IPO11: variants seen among roughly 807,000 people sequenced by gnomAD.
IPO11 encodes importin 11, also known as importin-11.
A neutral mutation model predicts 143.2 loss-of-function variants in IPO11; 66 were observed. That is an observed-to-expected ratio of 0.46 (90% CI 0.38 to 0.57). IPO11 has a LOEUF of 0.57. IPO11 is among the 20% of genes least tolerant of loss of function. IPO11 has a pLI of 0.00. For missense variants in IPO11, 1,026 were observed against 1,141.0 expected, an observed-to-expected ratio of 0.90 and a Z score of 1.45; for synonymous variants, 385 against 377.8, an observed-to-expected ratio of 1.02 and a Z score of -0.22.
At chr5:62,419,459 A>G (rs902562183) in intron 1 of IPO11, among the ~76,000 whole-genome samples, 2 of 152,184 alleles carry the variant, frequency 1.3e-5, no homozygotes, top group Non-Finnish European at 2.9e-5. Context: ...ACGTTGTTTA[A>G]AACAGACGCA....
chr5:62,612,877 A>G lies in IPO11; in HGVS notation c.2763+11029A>G, dbSNP rs1745977875. Among the ~76,000 whole-genome samples, 3 of 152,224 alleles carry G rather than the reference A, an allele frequency of 2.0e-5. No homozygotes were observed. The South Asian group carries it at 6.2e-4, about 32-fold the overall frequency. ...AAGCAGCGCTTCAGTAAACAACATC[A>G]AGTGCTGTCTTTATGTACTTCTAAA... On this transcript the variant is annotated intron_variant, in intron 29 of 29. Coordinates refer to ENST00000325324, the MANE Select transcript of IPO11 (RefSeq NM_016338.5).
At chr5:62,613,520 C>G (rs1746009156) in intron 29 of IPO11, among the ~76,000 whole-genome samples, 1 of 151,922 alleles carries the variant, frequency 6.6e-6, no homozygotes, top group Admixed American at 6.6e-5. Flanking sequence ...CCAGGCTCGT[C>G]TTGAACTCCC....
intron 5 of IPO11, among the ~76,000 whole-genome samples, chr5:62,463,198 T>C (rs779034240): frequency 7.2e-5 from 11 of 152,040 alleles, no homozygotes; most frequent in Admixed American, 2.0e-4. Flanking sequence ...TGTGCCACCA[T>C]GTCCAGCTAA....
At chr5:62,595,873 C>T (rs1469247400) in intron 28 of IPO11, among the ~76,000 whole-genome samples, 2 of 151,844 alleles carry the variant, frequency 1.3e-5, no homozygotes, top group Non-Finnish European at 2.9e-5. Context: ...GAGTATTTCT[C>T]TTTTATTTCC....
chr5:62,446,418 G>A (rs1035943409), intron 3 of IPO11, among the ~76,000 whole-genome samples: 24 of 152,272 alleles, frequency 1.6e-4, no homozygotes, highest in African/African-American at 5.3e-4. Context: ...AGCAACATAC[G>A]AGTGTTTGTA....
In IPO11 at chr5:62,491,689, G is replaced by A. The variant is rs776232243; in HGVS notation, c.1463+1469G>A. Among the ~76,000 whole-genome samples the A allele has an allele frequency of 3.0e-4, 40 of 133,838 alleles. 1 individual carries two copies. Among genetic ancestry groups the A allele is most frequent in the Non-Finnish European group, 9.4e-5 (6 of 63,818 alleles). 87.8% of individuals were successfully genotyped at this position (133,838 alleles called of 152,430 possible). On this transcript the variant is annotated intron_variant, in intron 15 of 29. Transcript: ENST00000325324. Reference sequence around the variant, plus strand: ...AAGTTTTTTTTTTTTTTTTTGAGATGGAGTCTTGCTCTGTTGCCCAGGCTG... The same window carrying A: ...AAGTTTTTTTTTTTTTTTTTGAGATAGAGTCTTGCTCTGTTGCCCAGGCTG...
At chr5:62,569,642 A>C (rs1744071151) in intron 27 of IPO11, among the ~76,000 whole-genome samples, 1 of 152,190 alleles carries the variant, frequency 6.6e-6, no homozygotes, top group Non-Finnish European at 1.5e-5. Context: ...TTATTTTGCC[A>C]GAGTTGACTG....
At chr5:62,427,373 C>G (rs1743795291) in intron 1 of IPO11, among the ~76,000 whole-genome samples, 2 of 152,266 alleles carry the variant, frequency 1.3e-5, no homozygotes, top group Non-Finnish European at 2.9e-5. Flanking sequence ...TAGCTTCTCT[C>G]CTTGATGTCA....
chr5:62,604,334 G>A (rs898445556), intron 29 of IPO11, among the ~76,000 whole-genome samples: 5 of 151,880 alleles, frequency 3.3e-5, no homozygotes, highest in African/African-American at 9.7e-5. Context: ...TCAGCCTCCC[G>A]AGTAGCTGGG....
At chr5:62,422,921 G>T (rs1743570437) in intron 1 of IPO11, among the ~76,000 whole-genome samples, 1 of 151,884 alleles carries the variant, frequency 6.6e-6, no homozygotes, top group Non-Finnish European at 1.5e-5. Context: ...ACTAGTGTCT[G>T]GCATTTGCAG....
rs1234170970 is a variant in IPO11 at position 62,579,938 on chromosome 5, G to A, written c.2583-11639G>A. 10 of 1,551,092 alleles carry A rather than the reference G, an allele frequency of 6.4e-6. No individual in the cohort carries two copies. Among genetic ancestry groups the A allele is most frequent in the Admixed American group, 5.9e-5 (3 of 50,940 alleles). ...CAGTACTTAAATCTACAAAGGAATC[G>A]CCTCACTGTCCTTGGGAGTGGTACC... On this transcript the variant is annotated intron_variant, in intron 27 of 29. Transcript: ENST00000325324.
At chr5:62,543,391 A>G (rs180883787) in intron 24 of IPO11, among the ~76,000 whole-genome samples, 16 of 152,246 alleles carry the variant, frequency 1.1e-4, no homozygotes, top group East Asian at 9.7e-4. Context: ...CAGGGATTCA[A>G]CTTCTTCCTG....
At chr5:62,546,840 C>G (rs1743215468) in intron 24 of IPO11, among the ~76,000 whole-genome samples, 2 of 152,240 alleles carry the variant, frequency 1.3e-5, no homozygotes, top group South Asian at 4.1e-4. Flanking sequence ...GGAGCATTGT[C>G]TCTAGTTTTC....
At chr5:62,426,980 C>T (rs1360054299) in intron 1 of IPO11, among the ~76,000 whole-genome samples, 1 of 137,914 alleles carries the variant, frequency 7.3e-6, no homozygotes, top group Non-Finnish European at 1.5e-5. Flanking sequence ...TCTTGATGCC[C>T]AGGCTGGAGT....
At chr5:62,485,615 G>C (rs1297355133) in intron 12 of IPO11, among the ~76,000 whole-genome samples, 153 bp downstream of exon 12, 1 of 152,022 alleles carries the variant, frequency 6.6e-6, no homozygotes, top group Non-Finnish European at 1.5e-5. Flanking sequence ...AAGGTGGGAG[G>C]ATCGCTTGAG....
At chr5:62,550,603 C>T (rs1401599933) in intron 25 of IPO11, 141 bp downstream of exon 25, 1 of 544,000 alleles carries the variant, frequency 1.8e-6, no homozygotes. Context: ...CGGTTAGACA[C>T]CTTTGCCTTT....
intron 1 of IPO11, among the ~76,000 whole-genome samples, chr5:62,422,102 A>G (rs1002007056): frequency 1.3e-5 from 2 of 151,454 alleles, no homozygotes; most frequent in African/African-American, 4.9e-5. Flanking sequence ...TTTCCTTCCT[A>G]TTTTTTTTCA....
intron 26 of IPO11, among the ~76,000 whole-genome samples, chr5:62,552,704 T>C (rs1205834171): frequency 6.6e-6 from 1 of 152,206 alleles, no homozygotes; most frequent in Non-Finnish European, 1.5e-5. Flanking sequence ...CCTGGTCATG[T>C]TTCCAACATT....
chr5:62,485,560 C>A, intron 12 of IPO11, 98 bp downstream of exon 12: 1 of 1,000,248 alleles, frequency 1.0e-6, no homozygotes, highest in Non-Finnish European at 1.5e-6. Context: ...CAGACATTTG[C>A]TGGGCATGGT....
Sources: allele counts gnomAD v4.1 joint callset (sites outside exome capture counted in the v4.1 genomes callset), GRCh38; gene constraint gnomAD v4.1.1; transcripts MANE v1.5; gene names NCBI Gene and HGNC (gene_info 2026-07-23, HGNC 2026-07-21).